EPPK1: variants seen among roughly 807,000 people sequenced by gnomAD.
EPPK1 encodes the protein epiplakin 1.
For missense variants in EPPK1, 3,823 were observed against 3,673.3 expected, an observed-to-expected ratio of 1.04 and a Z score of -1.05; for synonymous variants, 1,862 against 1,721.2, an observed-to-expected ratio of 1.08 and a Z score of -2.03.
chr8:143,878,350 G>GCCCGCC (rs1465591388), intron 1 of EPPK1, 88 bp downstream of exon 1: 4 of 132,470 alleles, frequency 3.0e-5, no homozygotes, highest in African/African-American at 1.2e-4. Context: ...CCGGCCCCGA[G>GCCCGCC]CCCGCACCCG....
At chr8:143,878,931 C>T (rs2130667509), upstream of EPPK1, among the ~76,000 whole-genome samples, 1 of 152,276 alleles carries the variant, frequency 6.6e-6, no homozygotes, top group South Asian at 2.1e-4. Flanking sequence ...TTGGCAGGCC[C>T]CCCTGCCCCC....
Position 143,857,517 on chromosome 8 carries a change from TAG to T in EPPK1, c.*468_*469del, listed in dbSNP as rs1554657713. On this transcript the variant is annotated 3_prime_UTR_variant, in exon 2 of 2. Transcript: ENST00000615648. ...GAAAGCCCGGGGAGGAGGACCGAAA[TAG>T]AGCCAGGGCACTAAATAGTAGACAC... 6.4e-6 allele frequency: 1 copy of T among 156,762 alleles called. No individual in the cohort carries two copies. Among genetic ancestry groups the T allele is most frequent in the Non-Finnish European group, 1.4e-5 (1 of 71,280 alleles). The allele number at this position is 156,762 out of a possible 1,614,324, so 9.7% of individuals were successfully genotyped here.
At position 143,868,774 on chromosome 8, in the gene EPPK1, T is replaced by G; in HGVS notation, c.4480A>C (p.Arg1494=). 1 of 1,597,304 alleles carries G rather than the reference T, an allele frequency of 6.3e-7. No homozygotes were observed. Among genetic ancestry groups the G allele is most frequent in the Non-Finnish European group, 8.5e-7 (1 of 1,176,894 alleles). The part of the protein sequence containing the change: ...RELVALCRSG[R]AAALRQVVSA... ...ACCACCTGCCGCAGGGCCGCAGCCC[T>G]CCCAGACCGACAGAGTGCCACCAGC... Residue 1494 remains arginine, a synonymous_variant, in exon 2 of 2, where the codon AGG becomes CGG. Coordinates refer to ENST00000615648, the MANE Select transcript of EPPK1 (RefSeq NM_031308.4).
At position 143,868,829 on chromosome 8, in the gene EPPK1, G is replaced by A. The variant is rs533996119; in HGVS notation, c.4425C>T (p.Ser1475=). 48 of 1,606,506 alleles carry A rather than the reference G, an allele frequency of 3.0e-5. No individual in the cohort carries two copies. Among genetic ancestry groups the A allele is most frequent in the African/African-American group, 8.0e-5 (6 of 75,018 alleles). ...GCCGCTTGTCAGCGCCAACGTATTC[G>A]GAGAGCAGCAGGTCCCAGAGTGACA... The part of the protein sequence containing the change: ...CSVSLWDLLL[S]EYVGADKRRE... The change falls in exon 2 of 2, where the codon TCC becomes TCT. Residue 1475 remains serine (S), a synonymous_variant. Transcript: ENST00000615648.
chr8:143,867,429 T>C lies in EPPK1; in HGVS notation c.5825A>G (p.Asp1942Gly). 1.2e-6 allele frequency: 2 copies of C among 1,612,418 alleles called. No individual in the cohort carries two copies. Among genetic ancestry groups the C allele is most frequent in the Non-Finnish European group, 1.7e-6 (2 of 1,179,792 alleles). Residue 1942 changes from aspartate (D) to glycine (G), a missense_variant, in exon 2 of 2, where the codon GAC becomes GGC. By Grantham distance (94) the Asp-to-Gly change is moderately conservative. Transcript: ENST00000615648. ...AGAGAGCTTCTGGCGGGTGCAGGGG[T>C]CCAGGAGGAACCCGGTGGCGGCCTG... ...EAQAATGFLL[D>G]PCTRQKLSVD...
At position 143,868,190 on chromosome 8, in the gene EPPK1, G is replaced by A. The variant is rs782028422; in HGVS notation, c.5064C>T (p.Gly1688=). The A allele has an allele frequency of 1.6e-5, 26 of 1,612,960 alleles. 1 individual carries two copies. The Admixed American group carries it at 1.7e-4, about 10-fold the overall frequency. Reference sequence around the variant, plus strand: ...GGCTGTGCACGGGGTCGATGATGCCGCCCGTGGCGATCTGGGCCTCCAGCA... The same window carrying A: ...GGCTGTGCACGGGGTCGATGATGCCACCCGTGGCGATCTGGGCCTCCAGCA... ...IRLLEAQIAT[G]GIIDPVHSHR... The change falls in exon 2 of 2, where the codon GGC becomes GGT. Residue 1688 remains glycine (G), a synonymous_variant. Coordinates refer to ENST00000615648, the MANE Select transcript of EPPK1 (RefSeq NM_031308.4).
chr8:143,876,583 C>T (rs890112141), intron 1 of EPPK1, among the ~76,000 whole-genome samples: 1 of 152,292 alleles, frequency 6.6e-6, no homozygotes, highest in Admixed American at 6.5e-5. Flanking sequence ...TTACCCCTGC[C>T]TCAGACAGAC....
rs1244156579 is a variant in EPPK1, at chr8:143,870,140, G to A, written c.3114C>T (p.Arg1038=). ...CTGTGGCCACTTGAGCCTCCAGGAGGCGGGCAGCTTGCTCCCAAGGGATGA... is the reference window on the plus strand; with the variant it reads ...CTGTGGCCACTTGAGCCTCCAGGAGACGGGCAGCTTGCTCCCAAGGGATGA... ...KGLIPWEQAA[R]LLEAQVATGG... is the part of the protein sequence containing the mutation. The change falls in exon 2 of 2, where the codon CGC becomes CGT. Residue 1038 remains arginine, a synonymous_variant. Transcript: ENST00000615648. This position sits in a 1 kb window ranked among gnomAD's most constrained non-coding sequence, Gnocchi z 5.2. 1.9e-6 allele frequency: 3 copies of A among 1,611,808 alleles called. No individual in the cohort carries two copies. The highest frequency in any genetic ancestry group is 4.5e-5 in the East Asian group (2 of 44,854).
chr8:143,857,946 A>G lies in EPPK1; in HGVS notation c.*41T>C. ...AACCCAGACACACAAGTATGCCTCC[A>G]CTTCTCCAGAGTTGCAGAAAACTGC... is the stretch of plus-strand genomic sequence containing the variant. On this transcript the variant is annotated 3_prime_UTR_variant, in exon 2 of 2. Coordinates refer to ENST00000615648, the MANE Select transcript of EPPK1 (RefSeq NM_031308.4). The G allele has an allele frequency of 7.8e-7, 1 of 1,289,434 alleles. No homozygotes were observed. Among genetic ancestry groups the G allele is most frequent in the Non-Finnish European group, 1.1e-6 (1 of 945,580 alleles). The allele number at this position is 1,289,434 out of a possible 1,614,324, so 79.9% of individuals were successfully genotyped here. A position where few individuals can be genotyped will look rare whatever the true frequency, so the allele number is the denominator to read the frequency against.
In EPPK1 at chr8:143,867,979, T is replaced by C. The variant is rs534960078; in HGVS notation, c.5275A>G (p.Ile1759Val). Residue 1759 changes from isoleucine (I) to valine (V), a missense_variant, in exon 2 of 2, where the codon ATC becomes GTC. Coordinates refer to ENST00000615648, the MANE Select transcript of EPPK1 (RefSeq NM_031308.4). ...DPETGLYLLQ[I>V]IKKGENYVYI... Reference sequence around the variant, plus strand: ...ACGTAGTTTTCTCCTTTCTTTATGATTTGTAGCAGGTACAGGCCCGTCTCG... The same window carrying C: ...ACGTAGTTTTCTCCTTTCTTTATGACTTGTAGCAGGTACAGGCCCGTCTCG... The C allele has an allele frequency of 3.7e-6, 6 of 1,613,684 alleles. No individual in the cohort carries two copies. The South Asian group carries it at 4.4e-5, about 12-fold the overall frequency.
At chr8:143,879,105 G>A (rs1345339151), upstream of EPPK1, among the ~76,000 whole-genome samples, 2 of 152,216 alleles carry the variant, frequency 1.3e-5, no homozygotes, top group African/African-American at 4.8e-5. Flanking sequence ...GCTGGGGCAT[G>A]CCAGAGACAC....
At chr8:143,874,189 A>G (rs1432865663) in intron 1 of EPPK1, among the ~76,000 whole-genome samples, 2 of 151,988 alleles carry the variant, frequency 1.3e-5, no homozygotes, top group Non-Finnish European at 2.9e-5. Flanking sequence ...CCTTCCACAC[A>G]CAGCTGTACG....
chr8:143,878,643 G>A (rs1554662748), upstream of EPPK1, among the ~76,000 whole-genome samples: 1 of 151,776 alleles, frequency 6.6e-6, no homozygotes, highest in African/African-American at 2.4e-5. Flanking sequence ...GGGCAGCCGG[G>A]ACCCTCCCCT....
Position 143,869,531 on chromosome 8 carries a change from G to A in EPPK1, c.3723C>T (p.Cys1241=), listed in dbSNP as rs1819263795. 1 of 1,562,636 alleles carries A rather than the reference G, an allele frequency of 6.4e-7. No individual in the cohort carries two copies. The highest frequency in any genetic ancestry group is 1.8e-5 in the Admixed American group (1 of 54,796). The change falls in exon 2 of 2, where the codon TGC becomes TGT. Residue 1241 remains cysteine, a synonymous_variant. Coordinates refer to ENST00000615648, the MANE Select transcript of EPPK1 (RefSeq NM_031308.4). The part of the protein sequence containing the change: ...QVAEQPAVKA[C]LWGTGCVAGV... Reference sequence around the variant, plus strand: ...CGGCCACGCAGCCTGTGCCCCACAGGCAGGCCTTCACCGCCGGCTGCTCGG... The same window carrying A: ...CGGCCACGCAGCCTGTGCCCCACAGACAGGCCTTCACCGCCGGCTGCTCGG...
Position 143,871,157 on chromosome 8 carries a change from C to T in EPPK1, c.2097G>A (p.Gln699=). 1 of 1,613,242 alleles carries T rather than the reference C, an allele frequency of 6.2e-7. No homozygotes were observed. The highest frequency in any genetic ancestry group is 8.5e-7 in the Non-Finnish European group (1 of 1,180,022). ...TCTGCATGGCCTGGAAGAGGGAGAT[C>T]TGCTGCCCGGTGTAGGGGTCAGTGT... ...TGYTDPYTGQ[Q]ISLFQAMQKG... Residue 699 remains glutamine (Q), a synonymous_variant, in exon 2 of 2, where the codon CAG becomes CAA. Transcript: ENST00000615648.
intron 1 of EPPK1, among the ~76,000 whole-genome samples, chr8:143,877,577 C>T (rs1219808105): frequency 6.6e-6 from 1 of 152,150 alleles, no homozygotes; most frequent in Non-Finnish European, 1.5e-5. Context: ...CTGTCTGTCA[C>T]CAGACTGCCC....
At position 143,866,430 on chromosome 8, in the gene EPPK1, G is replaced by T; in HGVS notation, c.6824C>A (p.Pro2275His). 7.8e-7 allele frequency: 1 copy of T among 1,284,924 alleles called. No individual in the cohort carries two copies. Among genetic ancestry groups the T allele is most frequent in the Admixed American group, 2.5e-5 (1 of 40,168 alleles). The allele number at this position is 1,284,924 out of a possible 1,614,324, so 79.6% of individuals were successfully genotyped here. ...AQAATGFVID[P>H]VRNLRLSVEE... ...CACCGACAGCCTCAGGTTGCGCACG[G>T]GGTCGATGACGAAGCCGGTGGCCGC... The change falls in exon 2 of 2, where the codon CCC (proline) becomes CAC (histidine). Residue 2275 changes from proline (P) to histidine (H), a missense_variant. Coordinates refer to ENST00000615648, the MANE Select transcript of EPPK1 (RefSeq NM_031308.4).
upstream of EPPK1, among the ~76,000 whole-genome samples, chr8:143,878,992 C>T (rs1251668070): frequency 1.3e-5 from 2 of 152,176 alleles, no homozygotes; most frequent in Admixed American, 6.5e-5. Flanking sequence ...CCAGGCCTCA[C>T]CCCCCGGTCT....
At position 143,870,230 on chromosome 8, in the gene EPPK1, A is replaced by T. The variant is rs1554660681; in HGVS notation, c.3024T>A (p.Ile1008=). ...CAGAGAAGGGGTCTCTGAAGCCAGCAATGGCACCCTCAGCCCGCTTCAGCC... is the reference window on the plus strand; with the variant it reads ...CAGAGAAGGGGTCTCTGAAGCCAGCTATGGCACCCTCAGCCCGCTTCAGCC... ...YGRLKRAEGA[I]AGFRDPFSGK... is the part of the protein sequence containing the mutation. Residue 1008 remains isoleucine, a synonymous_variant, in exon 2 of 2, where the codon ATT becomes ATA. Coordinates refer to ENST00000615648, the MANE Select transcript of EPPK1 (RefSeq NM_031308.4). This position sits in a 1 kb window ranked among gnomAD's most constrained non-coding sequence, Gnocchi z 5.2. The T allele has an allele frequency of 1.2e-6, 2 of 1,606,750 alleles. No individual in the cohort carries two copies. Among genetic ancestry groups the T allele is most frequent in the South Asian group, 2.2e-5 (2 of 90,104 alleles).
Sources: gnomAD v4.1 joint callset for allele counts (sites outside exome capture counted in the v4.1 genomes callset) on GRCh38, gnomAD v4.1.1 for gene constraint, Gnocchi (gnomAD v3.1) non-coding constraint, MANE v1.5 for transcripts, NCBI Gene and HGNC (gene_info 2026-07-23, HGNC 2026-07-21) for gene names.